The following UGT1A7 variants were observed in gnomAD, a reference collection of about 807,000 sequenced individuals.
UGT1A7 encodes the protein UDP glucuronosyltransferase family 1 member A7.
In UGT1A7, 33 loss-of-function variants were observed where a neutral mutation model predicts 45.6. The observed-to-expected ratio is 0.72, with a 90% CI of 0.55 to 0.97. The LOEUF (loss-of-function observed/expected upper bound fraction) is 0.97. UGT1A7 is among the 50% of genes least tolerant of loss of function. The pLI is 0.00. For missense variants in UGT1A7, 684 were observed against 666.2 expected (o/e 1.03, Z -0.29); for synonymous variants, 274 against 250.6 (o/e 1.09, Z -0.88).
At chr2:233,721,692 C>T (rs77600287) in intron 1 of UGT1A7, 13,894 of 352,288 alleles carry the variant, frequency 0.039, 386 homozygotes, top group Non-Finnish European at 0.058. Context: ...CTCTGCAAGA[C>T]GCATGGCTCA....
chr2:233,685,025 G>T (rs1263917221), intron 1 of UGT1A7, among the ~76,000 whole-genome samples: 1 of 152,138 alleles, frequency 6.6e-6, no homozygotes, highest in East Asian at 1.9e-4. Context: ...GTGTCTGTAT[G>T]TGCAGGTGTG....
At chr2:233,771,209 T>A (rs1015017621) in intron 4 of UGT1A7, 1 of 152,162 alleles carries the variant, frequency 6.6e-6, no homozygotes. Context: ...TGGACAAATA[T>A]CCAAACTGTA....
chr2:233,763,841 T>C (rs1452550547), intron 1 of UGT1A7, among the ~76,000 whole-genome samples: 1 of 152,178 alleles, frequency 6.6e-6, no homozygotes, highest in Admixed American at 6.5e-5. Context: ...CAGGGTAAGA[T>C]AGCAGTGGTT....
chr2:233,764,152 G>C (rs1467176799), intron 1 of UGT1A7, among the ~76,000 whole-genome samples: 3 of 152,176 alleles, frequency 2.0e-5, no homozygotes, highest in Non-Finnish European at 2.9e-5. Flanking sequence ...ATTTTGGCTG[G>C]TGAAGTCTCA....
Position 233,729,197 on chromosome 2 carries a change from C to T in UGT1A7, c.856-37837C>T, listed in dbSNP as rs569872278. The stretch of plus-strand genomic sequence containing the variant: ...CTGCTGCTTCTCCTCAGTGTCCAGC[C>T]CTGGGCTGAGAGTGGAAAGGTGTTG... On this transcript the variant is annotated intron_variant, in intron 1 of 4. Coordinates refer to ENST00000373426, the MANE Select transcript of UGT1A7 (RefSeq NM_019077.3). 4.3e-6 allele frequency: 7 copies of T among 1,614,002 alleles called. No homozygotes were observed. The African/African-American group carries it at 8.0e-5, about 18-fold the overall frequency.
intron 1 of UGT1A7, among the ~76,000 whole-genome samples, chr2:233,714,483 T>C (rs2076389981): frequency 6.6e-6 from 1 of 152,204 alleles, no homozygotes; most frequent in Admixed American, 6.5e-5. Context: ...GAATGTTTCT[T>C]GTGAAGACAC....
intron 1 of UGT1A7, 105 bp from the exon 2 acceptor site, chr2:233,766,924 ATGCCT>A: frequency 6.4e-7 from 1 of 1,565,450 alleles, no homozygotes; most frequent in Non-Finnish European, 8.6e-7. Context: ...TCAAACACGC[ATGCCT>A]TTAATCATAG....
Position 233,682,613 on chromosome 2 carries a change from A to G in UGT1A7, c.676A>G (p.Asn226Asp), listed in dbSNP as rs2074587182. ...EHLFCPYFFK[N>D]VLEIASEILQ... The stretch of plus-strand genomic sequence containing the variant: ...TTTATTTTGCCCCTATTTTTTCAAA[A>G]ATGTCTTAGAAATAGCCTCTGAAAT... The change falls in exon 1 of 5, where the codon AAT becomes GAT. Residue 226 changes from asparagine to aspartate, a missense_variant. By Grantham distance (23) the Asn-to-Asp change is conservative. Transcript: ENST00000373426. 1.2e-6 allele frequency: 2 copies of G among 1,613,888 alleles called. No homozygotes were observed. Among genetic ancestry groups the G allele is most frequent in the African/African-American group, 2.7e-5 (2 of 75,030 alleles).
At chr2:233,748,948 C>T (rs1323524016) in intron 1 of UGT1A7, among the ~76,000 whole-genome samples, 1 of 151,628 alleles carries the variant, frequency 6.6e-6, no homozygotes, top group Non-Finnish European at 1.5e-5. Context: ...CCACCCTATC[C>T]CACTCCAAGT....
intron 1 of UGT1A7, chr2:233,692,897 G>T (rs2075119141): frequency 5.2e-6 from 8 of 1,538,902 alleles, no homozygotes. Flanking sequence ...GGGAGAGGTA[G>T]ACAGGACCTG....
intron 1 of UGT1A7, among the ~76,000 whole-genome samples, chr2:233,685,706 A>G (rs2074750589): frequency 6.6e-6 from 1 of 152,238 alleles, no homozygotes; most frequent in Non-Finnish European, 1.5e-5. Context: ...AATAATTTTC[A>G]ATATCTTGCT....
At chr2:233,693,264 TG>T in intron 1 of UGT1A7, 1 of 1,614,122 alleles carries the variant, frequency 6.2e-7, no homozygotes, top group South Asian at 1.1e-5. Context: ...CAAGAAGAGC[TG>T]AAGAACCGTT....
rs139116240 is a variant in UGT1A7, at chr2:233,744,094, T to C, written c.856-22940T>C. 9.0e-3 allele frequency: 3,757 copies of C among 416,138 alleles called. 139 individuals carry two copies. The highest frequency in any genetic ancestry group is 0.069 in the Admixed American group (1,831 of 26,694). The allele number at this position is 416,138 out of a possible 1,614,324, so 25.8% of individuals were successfully genotyped here. ...GCCTCGCATCCCAAGATGCAGTGCT[T>C]CTGGGACTGGCCCTGCTCTCTGTGA... On this transcript the variant is annotated intron_variant, in intron 1 of 4. Coordinates refer to ENST00000373426, the MANE Select transcript of UGT1A7 (RefSeq NM_019077.3).
intron 1 of UGT1A7, chr2:233,729,429 T>G (rs765476493): frequency 6.2e-7 from 1 of 1,613,872 alleles, no homozygotes; most frequent in Admixed American, 1.7e-5. Context: ...AACTGTACTT[T>G]GAAACAGAAC....
chr2:233,769,487 TTA>T lies in UGT1A7; in HGVS notation c.1295+1050_1295+1051del. On this transcript the variant is annotated intron_variant, in intron 4 of 4. Coordinates refer to ENST00000373426, the MANE Select transcript of UGT1A7 (RefSeq NM_019077.3). This position sits in a 1 kb window ranked among gnomAD's most constrained non-coding sequence, Gnocchi z 4.4. ...TGCGTGTGTGTGTGTGTGCGTGTGT[TTA>T]TGAGAGTGTCCATTGCTTTCTCCCA... The T allele has an allele frequency of 1.2e-6, 2 of 1,612,452 alleles. No individual in the cohort carries two copies. The highest frequency in any genetic ancestry group is 1.7e-6 in the Non-Finnish European group (2 of 1,179,688).
chr2:233,720,853 G>GT (rs1012802434), intron 1 of UGT1A7, among the ~76,000 whole-genome samples: 2 of 150,286 alleles, frequency 1.3e-5, no homozygotes, highest in Admixed American at 6.6e-5. Flanking sequence ...CTGCAGGCAT[G>GT]TGCCACTGCT....
rs532123435 is a variant in UGT1A7 at position 233,768,784 on chromosome 2, ATGTT to A, written c.1295+349_1295+352del. Among the ~76,000 whole-genome samples the A allele has an allele frequency of 2.0e-5, 3 of 151,986 alleles. No homozygotes were observed. The South Asian group carries it at 6.2e-4, about 32-fold the overall frequency. On this transcript the variant is annotated intron_variant, in intron 4 of 4. Coordinates refer to ENST00000373426, the MANE Select transcript of UGT1A7 (RefSeq NM_019077.3). ...TTTTTAGTAGAGAAAGGGTTTCACC[ATGTT>A]TGTCAGGCTGGTCTTGAACTCCTGA...
chr2:233,734,953 A>G (rs2078590545), intron 1 of UGT1A7, among the ~76,000 whole-genome samples: 1 of 152,320 alleles, frequency 6.6e-6, no homozygotes, highest in African/African-American at 2.4e-5. Context: ...CAGTTTTAGA[A>G]TAAGTGTGAT....
rs2074598452 is a variant in UGT1A7 at position 233,682,769 on chromosome 2, C to T, written c.832C>T (p.His278Tyr). 1 of 1,613,580 alleles carries T rather than the reference C, an allele frequency of 6.2e-7. No homozygotes were observed. Among genetic ancestry groups the T allele is most frequent in the African/African-American group, 1.3e-5 (1 of 75,036 alleles). ...GATCTTCATTGGTGGTATCAACTGT[C>T]ATCAGGGAAAGCCAGTGCCTATGGT... is the stretch of plus-strand genomic sequence containing the variant. ...NMIFIGGINC[H>Y]QGKPVPMEFE... The change falls in exon 1 of 5, where the codon CAT becomes TAT. Residue 278 changes from histidine to tyrosine, a missense_variant. His to Tyr is a moderately conservative substitution (Grantham distance 83). Coordinates refer to ENST00000373426, the MANE Select transcript of UGT1A7 (RefSeq NM_019077.3).
Sources: allele counts gnomAD v4.1 joint callset (sites outside exome capture counted in the v4.1 genomes callset), GRCh38; gene constraint gnomAD v4.1.1; non-coding constraint Gnocchi (gnomAD v3.1); transcripts MANE v1.5; gene names NCBI Gene and HGNC (gene_info 2026-07-23, HGNC 2026-07-21).